EML6: variants seen among roughly 807,000 people sequenced by gnomAD.
The protein encoded by EML6 is EMAP like 6.
Under a neutral mutation model 240.1 loss-of-function variants are expected in EML6, and 154 were observed. The ratio of observed to expected loss-of-function variants is 0.64; its 90% confidence interval spans 0.56 to 0.73. The LOEUF (loss-of-function observed/expected upper bound fraction) is 0.73, where lower values mean the gene tolerates loss of function less well. EML6 is among the 30% of genes least tolerant of loss of function. The probability of loss-of-function intolerance (pLI) is 0.00; values close to 1 mark genes in which losing one functional copy is unlikely to be tolerated. For missense variants in EML6, 2,964 were observed against 2,474.6 expected, an observed-to-expected ratio of 1.20 and a Z score of -4.20; for synonymous variants, 1,148 against 899.0, an observed-to-expected ratio of 1.28 and a Z score of -4.95.
chr2:54,928,964 T>G (rs571528204), intron 28 of EML6, among the ~76,000 whole-genome samples: 6 of 152,154 alleles, frequency 3.9e-5, no homozygotes, highest in Non-Finnish European at 8.8e-5. Flanking sequence ...TTGTGGAAGT[T>G]GGTTATGGAA....
chr2:54,730,857 G>A (rs958045363), intron 2 of EML6, among the ~76,000 whole-genome samples: 1 of 152,184 alleles, frequency 6.6e-6, no homozygotes, highest in African/African-American at 2.4e-5. Flanking sequence ...GCCAGATGCA[G>A]GGGGTATAGC....
At chr2:54,903,343 G>C in intron 23 of EML6, 28 bp from the exon 24 acceptor site, 2 of 1,546,200 alleles carry the variant, frequency 1.3e-6, no homozygotes, top group Non-Finnish European at 1.7e-6. Flanking sequence ...AAAATGCTTC[G>C]ATGTTAACCC....
intron 15 of EML6, among the ~76,000 whole-genome samples, chr2:54,870,487 T>C (rs1671197973): frequency 6.6e-6 from 1 of 152,196 alleles, no homozygotes; most frequent in Admixed American, 6.5e-5. Flanking sequence ...GGGTAAGGGC[T>C]GACCGTTGGT....
intron 26 of EML6, among the ~76,000 whole-genome samples, chr2:54,917,433 C>T (rs914623544): frequency 1.3e-4 from 19 of 146,922 alleles, no homozygotes; most frequent in African/African-American, 3.0e-4. Flanking sequence ...GGCGCCATCT[C>T]GGCTGACCGC....
intron 24 of EML6, among the ~76,000 whole-genome samples, chr2:54,907,353 A>G (rs1256788521): frequency 1.3e-5 from 2 of 152,098 alleles, no homozygotes; most frequent in East Asian, 1.9e-4. Flanking sequence ...CTAAAATTAC[A>G]AAAATCAGCC....
chr2:54,803,542 G>A (rs1164031239), intron 2 of EML6, among the ~76,000 whole-genome samples: 1 of 152,102 alleles, frequency 6.6e-6, no homozygotes, highest in African/African-American at 2.4e-5. Context: ...ACCAATTAGT[G>A]AAGTGATTAT....
At position 54,953,835 on chromosome 2, in the gene EML6, T is replaced by C. The variant is rs1676101362; in HGVS notation, c.4313-148T>C. 3.1e-5 allele frequency: 19 copies of C among 614,332 alleles called. 1 individual carries two copies. In the South Asian group the frequency reaches 4.6e-4, roughly 15 times the overall value. The allele number at this position is 614,332 out of a possible 1,614,324, so 38.1% of individuals were successfully genotyped here. ...CCAGGACGTGGAGGTTGCGGTGAGC[T>C]GAGCTGGTGCCACTGCACTCTGGCC... is the stretch of plus-strand genomic sequence containing the variant. On this transcript the variant is annotated intron_variant, in intron 31 of 41. Transcript: ENST00000356458.
chr2:54,769,904 C>T (rs1572876301), intron 2 of EML6, among the ~76,000 whole-genome samples: 6 of 152,174 alleles, frequency 3.9e-5, no homozygotes, highest in African/African-American at 1.4e-4. Context: ...CTCCTCCTCT[C>T]GGACTCTGGA....
At chr2:54,865,451 A>G (rs1166881743) in intron 13 of EML6, among the ~76,000 whole-genome samples, 7 of 152,210 alleles carry the variant, frequency 4.6e-5, no homozygotes. Flanking sequence ...GCAACAGAGC[A>G]AGACCCTGTC....
rs1423914890 is a variant in EML6, at chr2:54,970,355, TACTA to T, written c.*265_*268del. 2 of 476,624 alleles carry T rather than the reference TACTA, an allele frequency of 4.2e-6. No individual in the cohort carries two copies. The highest frequency in any genetic ancestry group is 3.8e-5 in the African/African-American group (2 of 52,250). The allele number at this position is 476,624 out of a possible 1,614,324, so 29.5% of individuals were successfully genotyped here. On this transcript the variant is annotated 3_prime_UTR_variant, in exon 42 of 42. Transcript: ENST00000356458. ...TGTTCCTGAGACTAAACAGTATACA[TACTA>T]ACTACATTGACAAAGAAATCCTATC...
chr2:54,828,006 A>AAC (rs1668680014), intron 6 of EML6, among the ~76,000 whole-genome samples: 2 of 152,224 alleles, frequency 1.3e-5, no homozygotes, highest in African/African-American at 2.4e-5. Flanking sequence ...AGAACACTAG[A>AAC]ACTAGCTCAT....
chr2:54,845,738 A>T, intron 8 of EML6, among the ~76,000 whole-genome samples: 1 of 152,186 alleles, frequency 6.6e-6, no homozygotes, highest in South Asian at 2.1e-4. Flanking sequence ...GCTGCACAGT[A>T]CAGGCTGCCT....
At chr2:54,822,434 T>G (rs1463519879) in intron 5 of EML6, among the ~76,000 whole-genome samples, 1 of 152,210 alleles carries the variant, frequency 6.6e-6, no homozygotes, top group Non-Finnish European at 1.5e-5. Flanking sequence ...GCTGACTCAT[T>G]GCTGAGTAAC....
chr2:54,726,556 A>G (rs1008926505), intron 2 of EML6, among the ~76,000 whole-genome samples: 1 of 152,158 alleles, frequency 6.6e-6, no homozygotes, highest in Non-Finnish European at 1.5e-5. Context: ...GGGAGTGCTA[A>G]TGTTCTCAAG....
chr2:54,764,948 G>A (rs1189910506), intron 2 of EML6, among the ~76,000 whole-genome samples: 3 of 152,142 alleles, frequency 2.0e-5, no homozygotes, highest in Non-Finnish European at 2.9e-5. Flanking sequence ...TTTGATTAGT[G>A]GGAGATGGTT....
chr2:54,826,929 T>C (rs1214547774), intron 5 of EML6, among the ~76,000 whole-genome samples: 1 of 152,124 alleles, frequency 6.6e-6, no homozygotes, highest in Non-Finnish European at 1.5e-5. Flanking sequence ...TTCTAGCACT[T>C]TGGGAGGCCG....
At chr2:54,850,990 C>G (rs1296176768) in intron 10 of EML6, among the ~76,000 whole-genome samples, 1 of 152,164 alleles carries the variant, frequency 6.6e-6, no homozygotes, top group African/African-American at 2.4e-5. Flanking sequence ...ACTTTTAGCA[C>G]ATGAAAAAAT....
intron 2 of EML6, among the ~76,000 whole-genome samples, chr2:54,799,422 T>C (rs1437949900): frequency 6.6e-6 from 1 of 151,912 alleles, no homozygotes; most frequent in Non-Finnish European, 1.5e-5. Flanking sequence ...CTCCGTTCAC[T>C]GCAACCTCTG....
Position 54,957,683 on chromosome 2 carries a change from T to C in EML6, c.4487-107T>C, listed in dbSNP as rs1676294733. The C allele has an allele frequency of 6.3e-6, 6 of 949,258 alleles. No individual in the cohort carries two copies. In the Admixed American group the frequency reaches 1.2e-4, roughly 20 times the overall value. 58.8% of individuals were successfully genotyped at this position (949,258 alleles called of 1,614,324 possible). ...GGGAGAGAGTGCTGTAAAGAAGAACTGAGGCATGGCTTACGCCTGCTGGGG... is the reference window on the plus strand; with the variant it reads ...GGGAGAGAGTGCTGTAAAGAAGAACCGAGGCATGGCTTACGCCTGCTGGGG... On this transcript the variant is annotated intron_variant, in intron 32 of 41. Transcript: ENST00000356458.
Sources: allele counts gnomAD v4.1 joint callset (sites outside exome capture counted in the v4.1 genomes callset), GRCh38; gene constraint gnomAD v4.1.1; transcripts MANE v1.5; gene names NCBI Gene and HGNC (gene_info 2026-07-23, HGNC 2026-07-21).